Variants in IPP observed in about 807,000 individuals in gnomAD.
The protein encoded by IPP is intracisternal A particle-promoted polypeptide.
IPP carries 41 observed loss-of-function variants against 64.1 expected under a neutral mutation model. The observed-to-expected ratio is 0.64, with a 90% confidence interval of 0.50 to 0.83. IPP has a LOEUF of 0.83. Ranked by LOEUF, IPP falls within the 40% of genes least tolerant of loss-of-function variation. The pLI is 0.00. For missense variants in IPP, 649 were observed against 703.0 expected, an observed-to-expected ratio of 0.92 and a Z score of 0.87; for synonymous variants, 214 against 235.2, an observed-to-expected ratio of 0.91 and a Z score of 0.83.
downstream of IPP, chr1:45,697,463 A>T (rs1186677977): frequency 6.6e-6 from 1 of 151,744 alleles, no homozygotes; most frequent in Non-Finnish European, 1.5e-5. Context: ...TGTTGGCAAG[A>T]CTGGTCTTGA....
downstream of IPP, among the ~76,000 whole-genome samples, chr1:45,695,826 T>C (rs1201015166): frequency 3.9e-5 from 6 of 152,164 alleles, no homozygotes; most frequent in Non-Finnish European, 7.4e-5. Context: ...TGCGCCACCA[T>C]GCCCAGCTAA....
chr1:45,710,359 C>G (rs1645573683), intron 8 of IPP, among the ~76,000 whole-genome samples: 1 of 123,190 alleles, frequency 8.1e-6, no homozygotes, highest in Non-Finnish European at 1.8e-5. Context: ...ACATTCTCAG[C>G]TGGGCGCGGT....
At chr1:45,715,263 C>T (rs1186096690) in intron 7 of IPP, among the ~76,000 whole-genome samples, 2 of 150,888 alleles carry the variant, frequency 1.3e-5, no homozygotes, top group East Asian at 2.0e-4. Flanking sequence ...TCCTTATAAA[C>T]TCTGGCAATC....
At position 45,733,236 on chromosome 1, in the gene IPP, C is replaced by G. The variant is rs1343611886; in HGVS notation, c.725-3467G>C. 4.6e-5 allele frequency among the ~76,000 whole-genome samples: 7 copies of G among 151,370 alleles called. No individual in the cohort carries two copies. In the East Asian group the frequency reaches 1.2e-3, roughly 26 times the overall value. On this transcript the variant is annotated intron_variant, in intron 3 of 8. Coordinates refer to ENST00000396478, the MANE Select transcript of IPP (RefSeq NM_005897.3). Reference sequence around the variant, plus strand: ...GGTCAGGAGTTCGAGAACAGCCTGGCCAATATGGTGAAACCCCATCTCTAC... The same window carrying G: ...GGTCAGGAGTTCGAGAACAGCCTGGGCAATATGGTGAAACCCCATCTCTAC...
chr1:45,730,126 T>C (rs902700583), intron 3 of IPP, among the ~76,000 whole-genome samples: 3 of 152,182 alleles, frequency 2.0e-5, no homozygotes. Flanking sequence ...GTCAGGTGGA[T>C]TGCTTGAGCC....
At chr1:45,708,169 A>C (rs900542232) in intron 8 of IPP, among the ~76,000 whole-genome samples, 76 of 150,974 alleles carry the variant, frequency 5.0e-4, no homozygotes, top group African/African-American at 1.7e-3. Context: ...GGTTCATGCC[A>C]TTCTCCTGCC....
chr1:45,722,711 C>T (rs1645750164), intron 5 of IPP, among the ~76,000 whole-genome samples: 1 of 152,072 alleles, frequency 6.6e-6, no homozygotes, highest in South Asian at 2.1e-4. Flanking sequence ...CTTACATCTA[C>T]ACAAAAACTT....
At chr1:45,734,103 A>G (rs910977323) in intron 3 of IPP, among the ~76,000 whole-genome samples, 5 of 152,020 alleles carry the variant, frequency 3.3e-5, no homozygotes, top group African/African-American at 1.2e-4. Context: ...ATGACTACAA[A>G]TATATATATA....
intron 5 of IPP, among the ~76,000 whole-genome samples, chr1:45,726,361 G>A (rs1645827983): frequency 6.6e-6 from 1 of 152,052 alleles, no homozygotes; most frequent in African/African-American, 2.4e-5. Context: ...AGGAGGCTGA[G>A]GCAGGAGAAT....
chr1:45,704,515 C>T (rs1196353255), intron 8 of IPP, among the ~76,000 whole-genome samples: 2 of 151,930 alleles, frequency 1.3e-5, no homozygotes, highest in South Asian at 2.1e-4. Context: ...GGATTACCGG[C>T]GTGAGACACC....
At chr1:45,716,323 C>T (rs1205520307) in intron 7 of IPP, among the ~76,000 whole-genome samples, 1 of 152,210 alleles carries the variant, frequency 6.6e-6, no homozygotes, top group Non-Finnish European at 1.5e-5. Flanking sequence ...TCGCTCACTG[C>T]AACCTCTGCC....
intron 3 of IPP, among the ~76,000 whole-genome samples, chr1:45,739,694 T>G (rs1646033654): frequency 6.6e-6 from 1 of 152,156 alleles, no homozygotes; most frequent in Admixed American, 6.6e-5. Context: ...AGGCCATAAT[T>G]GTATATCAAT....
intron 1 of IPP, among the ~76,000 whole-genome samples, chr1:45,749,508 TTTTG>T (rs1414457080): frequency 6.3e-4 from 88 of 139,140 alleles, no homozygotes; most frequent in African/African-American, 1.8e-3. Flanking sequence ...TTTTTTTTTG[TTTTG>T]TTTTTGTTTT....
intron 2 of IPP, among the ~76,000 whole-genome samples, chr1:45,745,630 G>A (rs978473280): frequency 3.3e-5 from 5 of 151,910 alleles, no homozygotes; most frequent in African/African-American, 7.3e-5. Flanking sequence ...AGGCCAAGGC[G>A]GGCGGATCAT....
intron 1 of IPP, among the ~76,000 whole-genome samples, chr1:45,747,130 G>T (rs916723568): frequency 2.0e-5 from 3 of 151,786 alleles, no homozygotes; most frequent in African/African-American, 7.3e-5. Flanking sequence ...GCGCGCGCGC[G>T]CGCTTCAGAG....
chr1:45,694,760 TA>T, downstream of IPP: 1 of 363,014 alleles, frequency 2.8e-6, no homozygotes, highest in Non-Finnish European at 5.0e-6. Flanking sequence ...ACCAAACACA[TA>T]ATAGCTGGTC....
chr1:45,736,589 A>T (rs1329418477), intron 3 of IPP, among the ~76,000 whole-genome samples: 1 of 151,288 alleles, frequency 6.6e-6, no homozygotes, highest in Non-Finnish European at 1.5e-5. Context: ...TGGTTGCCTT[A>T]AAAAAAAATC....
At chr1:45,730,259 G>A (rs1398349254) in intron 3 of IPP, among the ~76,000 whole-genome samples, 2 of 152,034 alleles carry the variant, frequency 1.3e-5, no homozygotes, top group Admixed American at 1.3e-4. Context: ...GGTTCATGTG[G>A]GAGTACCACT....
downstream of IPP, among the ~76,000 whole-genome samples, chr1:45,695,304 A>G (rs1645377521): frequency 6.6e-6 from 1 of 152,110 alleles, no homozygotes; most frequent in Non-Finnish European, 1.5e-5. Flanking sequence ...AGCTGGGACT[A>G]CAGTTGTGCA....
Sources: allele counts gnomAD v4.1 joint callset (sites outside exome capture counted in the v4.1 genomes callset), GRCh38; gene constraint gnomAD v4.1.1; transcripts MANE v1.5; gene names NCBI Gene and HGNC (gene_info 2026-07-23, HGNC 2026-07-21).